Variants in SREBF2 observed in about 807,000 individuals in gnomAD.
SREBF2 encodes the protein sterol regulatory element binding transcription factor 2, also known as sterol regulatory element-binding protein 2.
In SREBF2, 55 loss-of-function variants were observed where a neutral mutation model predicts 113.1. That is an observed-to-expected ratio of 0.49 (90% CI 0.39 to 0.61). SREBF2 has a LOEUF of 0.61. Among genes scored for constraint, SREBF2 ranks in the 20% least tolerant of loss-of-function variants. SREBF2 has a pLI of 0.00. For synonymous variants in SREBF2, 593 were observed against 605.7 expected (o/e 0.98, Z 0.31); for missense variants, 1,349 against 1,487.4 (o/e 0.91, Z 1.53).
intron 7 of SREBF2, 123 bp downstream of exon 7, chr22:41,875,847 G>A: frequency 1.7e-6 from 2 of 1,164,552 alleles, no homozygotes; most frequent in Non-Finnish European, 2.5e-6. Flanking sequence ...GAGAAAAACA[G>A]GAATTCTGTG....
In SREBF2 at chr22:41,833,548, C is replaced by T; in HGVS notation, c.88+190C>T. On this transcript the variant is annotated intron_variant, in intron 1 of 18. Coordinates refer to ENST00000361204, the MANE Select transcript of SREBF2 (RefSeq NM_004599.4). The surrounding 1 kb of genome is among the most constrained non-coding windows in gnomAD (Gnocchi z 4.1). ...GCGTGAGCCCGACCCAGCTGCGCCG[C>T]TCCGGGAGGCCGTGGGATCTGGGGC... 1 of 475,494 alleles carries T rather than the reference C, an allele frequency of 2.1e-6. No individual in the cohort carries two copies. Among genetic ancestry groups the T allele is most frequent in the Non-Finnish European group, 3.6e-6 (1 of 277,776 alleles). The allele number at this position is 475,494 out of a possible 1,614,324, so 29.5% of individuals were successfully genotyped here.
intron 1 of SREBF2, among the ~76,000 whole-genome samples, chr22:41,840,237 C>T (rs570739905): frequency 2.6e-5 from 4 of 152,272 alleles, no homozygotes; most frequent in South Asian, 2.1e-4. Flanking sequence ...GGATTACAGA[C>T]GTGAGCCACC....
chr22:41,838,138 C>T (rs1473665382), intron 1 of SREBF2, among the ~76,000 whole-genome samples: 1 of 152,186 alleles, frequency 6.6e-6, no homozygotes, highest in Non-Finnish European at 1.5e-5. Context: ...GTGGGATCCT[C>T]TTCCACTGGG....
At chr22:41,866,351 G>A (rs1002427962) in intron 1 of SREBF2, among the ~76,000 whole-genome samples, 10 of 152,048 alleles carry the variant, frequency 6.6e-5, no homozygotes, top group Admixed American at 5.2e-4. Flanking sequence ...AGGAGTTCGA[G>A]ACCCACCTAT....
At chr22:41,883,012 TG>T (rs2077263564) in intron 10 of SREBF2, among the ~76,000 whole-genome samples, 2 of 151,992 alleles carry the variant, frequency 1.3e-5, no homozygotes. Flanking sequence ...GAGGCCAAGG[TG>T]GGAGGATCAC....
chr22:41,863,922 C>T (rs2077046873), intron 1 of SREBF2, among the ~76,000 whole-genome samples: 1 of 151,392 alleles, frequency 6.6e-6, no homozygotes, highest in African/African-American at 2.4e-5. Flanking sequence ...TGCTCTGTTC[C>T]CTAGGCTGGA....
At chr22:41,853,989 C>G (rs1433251409) in intron 1 of SREBF2, among the ~76,000 whole-genome samples, 1 of 147,720 alleles carries the variant, frequency 6.8e-6, no homozygotes, top group Non-Finnish European at 1.5e-5. Context: ...GAGCTGAGAT[C>G]ACGCCACTGC....
chr22:41,841,311 G>A (rs184026039), intron 1 of SREBF2, among the ~76,000 whole-genome samples: 2 of 152,324 alleles, frequency 1.3e-5, no homozygotes, highest in East Asian at 3.9e-4. Flanking sequence ...TTTGACACTG[G>A]AGTATATATG....
intron 1 of SREBF2, among the ~76,000 whole-genome samples, chr22:41,835,244 A>ACCTTCTG (rs1334529302): frequency 0.051 from 1,255 of 24,632 alleles, 16 homozygotes; most frequent in Middle Eastern, 0.1. Flanking sequence ...ACAAACTCTT[A>ACCTTCTG]GGCTCAAATG....
intron 15 of SREBF2, chr22:41,900,115 G>A: frequency 6.9e-7 from 1 of 1,453,588 alleles, no homozygotes; most frequent in Admixed American, 2.3e-5. Flanking sequence ...TTCCAGCATT[G>A]AATGAAGGTG....
chr22:41,889,830 G>A lies in SREBF2; in HGVS notation c.2209-3287G>A, dbSNP rs374637403. Among the ~76,000 whole-genome samples the A allele has an allele frequency of 2.2e-3, 341 of 152,030 alleles. 1 individual carries two copies. The highest frequency in any genetic ancestry group is 7.6e-3 in the African/African-American group (317 of 41,482). On this transcript the variant is annotated intron_variant, in intron 11 of 18. Coordinates refer to ENST00000361204, the MANE Select transcript of SREBF2 (RefSeq NM_004599.4). ...AGCCTGGCCAACATGATGAAACTCC[G>A]TGTCTACTAAAAATACAAAAATTAG...
chr22:41,851,383 G>A (rs1388171047), intron 1 of SREBF2, among the ~76,000 whole-genome samples: 4 of 151,864 alleles, frequency 2.6e-5, no homozygotes, highest in East Asian at 1.9e-4. Flanking sequence ...ATGGAAAGTC[G>A]GCATGGTCTG....
chr22:41,899,879 C>G (rs1185074945), intron 15 of SREBF2: 1 of 1,030,600 alleles, frequency 9.7e-7, no homozygotes, highest in South Asian at 2.7e-5. Flanking sequence ...AACCCTCCCC[C>G]ATCCCTAGCC....
chr22:41,853,886 T>C (rs1180408933), intron 1 of SREBF2, among the ~76,000 whole-genome samples: 1 of 151,614 alleles, frequency 6.6e-6, no homozygotes, highest in Non-Finnish European at 1.5e-5. Context: ...ATACAAAAAA[T>C]TAGCTGGGCG....
intron 12 of SREBF2, 57 bp downstream of exon 12, chr22:41,893,342 TAC>T: frequency 1.3e-6 from 2 of 1,585,644 alleles, no homozygotes; most frequent in Non-Finnish European, 1.7e-6. Context: ...CCGCCGGTAC[TAC>T]AGAGTCACTG....
chr22:41,904,129 C>T (rs1432018964), intron 17 of SREBF2, among the ~76,000 whole-genome samples: 6 of 152,158 alleles, frequency 3.9e-5, no homozygotes, highest in Non-Finnish European at 8.8e-5. Flanking sequence ...CCTCCTGCCT[C>T]GGCCTCCCAA....
chr22:41,854,860 G>A (rs1280996891), intron 1 of SREBF2, among the ~76,000 whole-genome samples: 1 of 151,788 alleles, frequency 6.6e-6, no homozygotes. Context: ...CAGCCTGGGC[G>A]ACAGAGTGAG....
chr22:41,899,083 G>T, intron 15 of SREBF2: 1 of 627,730 alleles, frequency 1.6e-6, no homozygotes, highest in Non-Finnish European at 2.4e-6. Flanking sequence ...AGAGACGAGA[G>T]CAGTGTGGCC....
intron 1 of SREBF2, among the ~76,000 whole-genome samples, chr22:41,839,893 TTTG>T (rs1349274227): frequency 6.6e-6 from 1 of 152,150 alleles, no homozygotes; most frequent in South Asian, 2.1e-4. Context: ...TTCTACATTT[TTTG>T]TTGTTTATGT....
Sources: allele counts gnomAD v4.1 joint callset (sites outside exome capture counted in the v4.1 genomes callset), GRCh38; gene constraint gnomAD v4.1.1; non-coding constraint Gnocchi (gnomAD v3.1); transcripts MANE v1.5; gene names NCBI Gene and HGNC (gene_info 2026-07-23, HGNC 2026-07-21).